The following PLEKHA6 variants were observed in gnomAD, a reference collection of about 807,000 sequenced individuals.
PLEKHA6 encodes pleckstrin homology domain-containing family A member 6.
PLEKHA6 carries 60 observed loss-of-function variants against 116.7 expected under a neutral mutation model. The observed-to-expected ratio is 0.51, with a 90% CI of 0.42 to 0.64. The LOEUF is 0.64. PLEKHA6 is among the 30% of genes least tolerant of loss of function. The pLI, the probability that PLEKHA6 is intolerant of heterozygous loss-of-function variation, is 0.00. For synonymous variants in PLEKHA6, 489 were observed against 556.1 expected (o/e 0.88, Z 1.70); for missense variants, 1,338 against 1,422.7 (o/e 0.94, Z 0.96).
intron 1 of PLEKHA6, among the ~76,000 whole-genome samples, chr1:204,329,486 G>A (rs970342958): frequency 6.6e-6 from 1 of 152,176 alleles, no homozygotes; most frequent in African/African-American, 2.4e-5. Flanking sequence ...TAGGCAATTA[G>A]CCTGTAATGG....
chr1:204,296,484 C>T (rs1670288876), intron 1 of PLEKHA6, among the ~76,000 whole-genome samples: 1 of 152,190 alleles, frequency 6.6e-6, no homozygotes, highest in Non-Finnish European at 1.5e-5. Flanking sequence ...GAGCAGAGTC[C>T]CTCCCCACTC....
At chr1:204,346,875 T>C (rs1374713779) in intron 1 of PLEKHA6, 2 of 1,346,958 alleles carry the variant, frequency 1.5e-6, no homozygotes, top group Admixed American at 1.7e-5. Context: ...GCTGGCGCTT[T>C]AGTTGAATCC....
intron 1 of PLEKHA6, among the ~76,000 whole-genome samples, chr1:204,278,813 G>A (rs1276028615): frequency 6.6e-6 from 1 of 152,052 alleles, no homozygotes; most frequent in East Asian, 1.9e-4. Flanking sequence ...CCGGCTTGAG[G>A]TTCCTGCCCA....
intron 3 of PLEKHA6, among the ~76,000 whole-genome samples, chr1:204,365,822 C>T (rs1673636541): frequency 6.6e-6 from 1 of 152,066 alleles, no homozygotes; most frequent in Non-Finnish European, 1.5e-5. Context: ...GATACATAAA[C>T]AAACGTGTTT....
chr1:204,282,881 T>C (rs1185227561), intron 1 of PLEKHA6: 2 of 844,500 alleles, frequency 2.4e-6, no homozygotes, highest in African/African-American at 3.7e-5. Context: ...CTTTCCTCAG[T>C]AGCTAAGCCA....
intron 1 of PLEKHA6, among the ~76,000 whole-genome samples, chr1:204,312,072 A>G (rs774398353): frequency 4.6e-5 from 7 of 152,200 alleles, no homozygotes; most frequent in African/African-American, 7.2e-5. Flanking sequence ...TTCCCATTTT[A>G]TAGCACAGGA....
At chr1:204,263,523 C>T (rs1393969662) in intron 6 of PLEKHA6, among the ~76,000 whole-genome samples, 1 of 152,090 alleles carries the variant, frequency 6.6e-6, no homozygotes, top group Non-Finnish European at 1.5e-5. Flanking sequence ...GAGCACAGCC[C>T]TCAGAGTCAG....
At position 204,326,904 on chromosome 1, in the gene PLEKHA6, G is replaced by GTGAGGT. The variant is rs1322212720; in HGVS notation, c.-95+32789_-95+32790insACCTCA. ...CTCCTTCCTATATGATCCAAATAGG[G>GTGAGGT]TGAGGAACTGCTCACTGCCCAAACC... On this transcript the variant is annotated intron_variant, in intron 1 of 22. Transcript: ENST00000272203. The GTGAGGT allele has an allele frequency of 3.9e-6, 3 of 778,550 alleles. No individual in the cohort carries two copies. The Admixed American group carries it at 1.9e-4, about 49-fold the overall frequency. 48.2% of individuals were successfully genotyped at this position (778,550 alleles called of 1,614,324 possible). A position where few individuals can be genotyped will look rare whatever the true frequency, so the allele number is the denominator to read the frequency against.
chr1:204,229,233 C>A (rs560379092), intron 18 of PLEKHA6, 129 bp from the exon 19 acceptor site: 3 of 845,678 alleles, frequency 3.5e-6, no homozygotes, highest in African/African-American at 3.4e-5. Context: ...TCCCACCATA[C>A]CCCACTGCAG....
rs1662382330 is a variant in PLEKHA6 at position 204,238,579 on chromosome 1, A to G, written c.2409+2796T>C. Reference sequence around the variant, plus strand: ...ATCAAATGGAAGTGGTATATATGTGATCAGGCTCGAGCAGGTCCTGAAGGC... The same window carrying G: ...ATCAAATGGAAGTGGTATATATGTGGTCAGGCTCGAGCAGGTCCTGAAGGC... On this transcript the variant is annotated intron_variant, in intron 17 of 22. Transcript: ENST00000272203. The surrounding 1 kb of genome is among the most constrained non-coding windows in gnomAD (Gnocchi z 4.2). Among the ~76,000 whole-genome samples the G allele has an allele frequency of 6.6e-6, 1 of 152,140 alleles. No individual in the cohort carries two copies. The highest frequency in any genetic ancestry group is 2.1e-4 in the South Asian group (1 of 4,826).
Position 204,261,218 on chromosome 1 carries a change from G to A in PLEKHA6, c.524+88C>T. On this transcript the variant is annotated intron_variant, in intron 7 of 22. Transcript: ENST00000272203. The surrounding 1 kb of genome is among the most constrained non-coding windows in gnomAD (Gnocchi z 4.0). ...CTCCAGGGCTTCAAGTAGGCACACT[G>A]GGATTAGCAATGGCCCAGAGCTGGG... 1 of 1,482,754 alleles carries A rather than the reference G, an allele frequency of 6.7e-7. No individual in the cohort carries two copies. Among genetic ancestry groups the A allele is most frequent in the Non-Finnish European group, 9.4e-7 (1 of 1,061,784 alleles). 91.8% of individuals were successfully genotyped at this position (1,482,754 alleles called of 1,614,324 possible).
intron 1 of PLEKHA6, among the ~76,000 whole-genome samples, chr1:204,338,085 G>A (rs559173080): frequency 6.6e-6 from 1 of 152,316 alleles, no homozygotes; most frequent in East Asian, 1.9e-4. Context: ...GCCTACAGAA[G>A]GGAATGTGTG....
chr1:204,298,495 G>T (rs1374285462), intron 1 of PLEKHA6, among the ~76,000 whole-genome samples: 1 of 152,158 alleles, frequency 6.6e-6, no homozygotes, highest in Non-Finnish European at 1.5e-5. Flanking sequence ...ATGGAGAATG[G>T]CAATGACACA....
chr1:204,262,993 G>A (rs1011848295), intron 6 of PLEKHA6, among the ~76,000 whole-genome samples: 3 of 152,128 alleles, frequency 2.0e-5, no homozygotes, highest in African/African-American at 7.2e-5. Flanking sequence ...GGTGGGAGCG[G>A]GCAGCAAATG....
In PLEKHA6 at chr1:204,257,340, G is replaced by T; in HGVS notation, c.1524+13C>A. The T allele has an allele frequency of 6.4e-7, 1 of 1,557,338 alleles. No homozygotes were observed. Among genetic ancestry groups the T allele is most frequent in the Non-Finnish European group, 8.7e-7 (1 of 1,149,918 alleles). ...TCAGGGGATGAGGAAGGAAGGGCAG[G>T]CTGGTGGCTCACCTTGGGGGAGCTG... On this transcript the variant is annotated intron_variant, in intron 9 of 22. Coordinates refer to ENST00000272203, the MANE Select transcript of PLEKHA6 (RefSeq NM_014935.5). The surrounding 1 kb of genome is among the most constrained non-coding windows in gnomAD (Gnocchi z 6.5).
At chr1:204,265,164 C>G (rs1484655813) in intron 5 of PLEKHA6, 122 bp from the exon 6 acceptor site, 10 of 727,130 alleles carry the variant, frequency 1.4e-5, no homozygotes, top group Admixed American at 9.9e-5. Context: ...TTGTTGTTCA[C>G]CTCCTGTTTG....
intron 2 of PLEKHA6, among the ~76,000 whole-genome samples, chr1:204,371,058 A>G (rs76620154): frequency 3.5e-4 from 53 of 151,502 alleles, no homozygotes; most frequent in African/African-American, 1.1e-3. Flanking sequence ...TGCCTCAAAA[A>G]AAAAAAAAAA....
intron 21 of PLEKHA6, among the ~76,000 whole-genome samples, chr1:204,226,286 G>A (rs185729168): frequency 5.3e-5 from 8 of 152,362 alleles, no homozygotes; most frequent in African/African-American, 1.7e-4. Context: ...CAAGGTGACC[G>A]TTTGGTTTCA....
intron 1 of PLEKHA6, among the ~76,000 whole-genome samples, chr1:204,352,815 T>C (rs1673320516): frequency 6.6e-6 from 1 of 151,918 alleles, no homozygotes. Flanking sequence ...TGAGACTCTG[T>C]CTCTACAAAA....
Sources: gnomAD v4.1 joint callset for allele counts (sites outside exome capture counted in the v4.1 genomes callset) on GRCh38, gnomAD v4.1.1 for gene constraint, Gnocchi (gnomAD v3.1) non-coding constraint, MANE v1.5 for transcripts, NCBI Gene and HGNC (gene_info 2026-07-23, HGNC 2026-07-21) for gene names.